GATAD2A: variants seen among roughly 807,000 people sequenced by gnomAD.
GATAD2A encodes the protein GATA zinc finger domain containing 2A.
A neutral mutation model predicts 68.5 loss-of-function variants in GATAD2A; 12 were observed. The ratio of observed to expected loss-of-function variants is 0.18; its 90% CI spans 0.11 to 0.28. The LOEUF is 0.28. Among genes scored for constraint, GATAD2A ranks in the 10% least tolerant of loss-of-function variants. GATAD2A has a pLI of 1.00. For synonymous variants in GATAD2A, 410 were observed against 375.3 expected, an observed-to-expected ratio of 1.09 and a Z score of -1.07; for missense variants, 755 against 868.5, an observed-to-expected ratio of 0.87 and a Z score of 1.64.
At chr19:19,388,346 C>T (rs1046136611) in intron 1 of GATAD2A, among the ~76,000 whole-genome samples, 3 of 152,196 alleles carry the variant, frequency 2.0e-5, no homozygotes, top group Admixed American at 2.0e-4. Flanking sequence ...CGTGAACCAC[C>T]GCGCCCGGCC....
intron 7 of GATAD2A, among the ~76,000 whole-genome samples, chr19:19,496,576 G>A (rs985539836): frequency 3.9e-5 from 6 of 152,224 alleles, no homozygotes; most frequent in African/African-American, 9.7e-5. Flanking sequence ...AGGAGAGGCC[G>A]GTGATGGGCC....
intron 1 of GATAD2A, among the ~76,000 whole-genome samples, chr19:19,388,680 T>C (rs545977427): frequency 6.6e-6 from 1 of 152,062 alleles, no homozygotes; most frequent in East Asian, 1.9e-4. Flanking sequence ...GGGAGAAACA[T>C]TGTATCCCCA....
At chr19:19,413,444 G>T (rs2051201753) in intron 1 of GATAD2A, among the ~76,000 whole-genome samples, 1 of 152,190 alleles carries the variant, frequency 6.6e-6, no homozygotes, top group Admixed American at 6.5e-5. Flanking sequence ...TTCTCATGTA[G>T]TGTCCCTGGG....
chr19:19,508,168 A>C lies in GATAD2A; in HGVS notation c.*2694A>C, dbSNP rs367659346. ...GACATGAACCTCCAACAGCACCTGG[A>C]AACGGTTCCCTCTGTCAGCTGCTCT... On this transcript the variant is annotated 3_prime_UTR_variant, in exon 12 of 12. Coordinates refer to ENST00000683918, the MANE Select transcript of GATAD2A (RefSeq NM_001384528.1). 2 of 152,382 alleles carry C rather than the reference A, an allele frequency of 1.3e-5. No individual in the cohort carries two copies. Among genetic ancestry groups the C allele is most frequent in the East Asian group, 3.9e-4 (2 of 5,190 alleles). 9.4% of individuals were successfully genotyped at this position (152,382 alleles called of 1,614,324 possible). A position where few individuals can be genotyped will look rare whatever the true frequency, so the allele number is the denominator to read the frequency against.
At chr19:19,454,120 C>T (rs534102049) in intron 1 of GATAD2A, among the ~76,000 whole-genome samples, 72 of 152,132 alleles carry the variant, frequency 4.7e-4, no homozygotes, top group Admixed American at 2.4e-3. Context: ...GCCTCAGCCC[C>T]TGGAGTAGCC....
chr19:19,401,042 C>A (rs1024241460), upstream of GATAD2A, among the ~76,000 whole-genome samples: 4 of 148,596 alleles, frequency 2.7e-5, no homozygotes, highest in African/African-American at 9.9e-5. Flanking sequence ...CCAGAGGCTG[C>A]GGCACAAGAA....
intron 1 of GATAD2A, among the ~76,000 whole-genome samples, chr19:19,429,903 G>T (rs1216310437): frequency 2.6e-5 from 4 of 152,064 alleles, no homozygotes; most frequent in Non-Finnish European, 4.4e-5. Flanking sequence ...GGGGCTCTGT[G>T]CCTTGGGGAG....
chr19:19,477,805 G>A lies in GATAD2A; in HGVS notation c.269+12191G>A, dbSNP rs574300932. On this transcript the variant is annotated intron_variant, in intron 2 of 11. Transcript: ENST00000683918. ...GAGAAGGAAGGAGATTCCTAGTCCC[G>A]GAGACCAGCAGTCTAGGGGCAGTGG... Among the ~76,000 whole-genome samples, 7 of 152,262 alleles carry A rather than the reference G, an allele frequency of 4.6e-5. No homozygotes were observed. The East Asian group carries it at 1.2e-3, about 25-fold the overall frequency.
At chr19:19,501,558 C>A in intron 9 of GATAD2A, 142 bp downstream of exon 9, 1 of 686,284 alleles carries the variant, frequency 1.5e-6, no homozygotes, top group East Asian at 2.7e-5. Flanking sequence ...GGCAAAAACA[C>A]TAATTTGCAG....
intron 1 of GATAD2A, among the ~76,000 whole-genome samples, chr19:19,387,319 C>G (rs1372689425): frequency 6.6e-6 from 1 of 151,186 alleles, no homozygotes; most frequent in African/African-American, 2.4e-5. Context: ...CTGACTTGTC[C>G]CCCTTTCTTT....
At chr19:19,432,597 C>T (rs573405141) in intron 1 of GATAD2A, among the ~76,000 whole-genome samples, 8 of 152,186 alleles carry the variant, frequency 5.3e-5, no homozygotes, top group Non-Finnish European at 1.0e-4. Context: ...CTACCGTGTT[C>T]GGCTGACAGT....
rs375507691 is a variant in GATAD2A at position 19,505,396 on chromosome 19, G to A, written c.1827G>A (p.Ser609=). The A allele has an allele frequency of 1.2e-5, 19 of 1,612,706 alleles. No homozygotes were observed. In the Middle Eastern group the frequency reaches 1.3e-3, roughly 112 times the overall value. Residue 609 remains serine (S), a synonymous_variant, in exon 12 of 12, where the codon TCG becomes TCA. Transcript: ENST00000683918. ...SPSLAVHKSS[S]AVDRQREYLL... is the part of the protein sequence containing the mutation. ...GCCTGGCGGTGCACAAGAGCTCCTC[G>A]GCCGTGGACCGCCAGCGAGAGTACC... is the stretch of plus-strand genomic sequence containing the variant.
intron 2 of GATAD2A, among the ~76,000 whole-genome samples, chr19:19,475,434 C>G (rs2058609408): frequency 6.6e-6 from 1 of 152,136 alleles, no homozygotes; most frequent in East Asian, 1.9e-4. Flanking sequence ...GAGTCAGGGT[C>G]CAGACAGGGG....
At chr19:19,501,085 C>G (rs371872273) in intron 8 of GATAD2A, 33 bp from the exon 9 acceptor site, 2 of 1,587,598 alleles carry the variant, frequency 1.3e-6, no homozygotes, top group Non-Finnish European at 1.7e-6. Context: ...CGTCCTGGCC[C>G]TCTGACGTGA....
chr19:19,447,921 G>A (rs137927997), intron 1 of GATAD2A, among the ~76,000 whole-genome samples: 19 of 152,366 alleles, frequency 1.2e-4, no homozygotes, highest in African/African-American at 2.6e-4. Flanking sequence ...CCTCCCTGCC[G>A]TTTCCAGTCT....
Position 19,492,345 on chromosome 19 carries a change from G to C in GATAD2A, c.309G>C (p.Val103=). ...KSERRPPSPD[V]IVLSDNEQPS... is the part of the protein sequence containing the mutation. ...AGAGGAGACCCCCCTCACCTGACGT[G>C]ATTGTGCTCTCCGACAACGAGCAGC... is the stretch of plus-strand genomic sequence containing the variant. Residue 103 remains valine, a synonymous_variant, in exon 3 of 12, where the codon GTG becomes GTC. Transcript: ENST00000683918. The C allele has an allele frequency of 6.2e-7, 1 of 1,610,488 alleles. No individual in the cohort carries two copies. The highest frequency in any genetic ancestry group is 8.5e-7 in the Non-Finnish European group (1 of 1,178,314).
chr19:19,487,698 A>C (rs2059535321), intron 2 of GATAD2A, among the ~76,000 whole-genome samples: 2 of 152,298 alleles, frequency 1.3e-5, no homozygotes, highest in Middle Eastern at 3.4e-3. Flanking sequence ...GATGTTCTGC[A>C]GGCAGAACAT....
At chr19:19,441,032 TTCCTTCTTTCCTTCCC>T in intron 1 of GATAD2A, among the ~76,000 whole-genome samples, 1 of 148,508 alleles carries the variant, frequency 6.7e-6, no homozygotes, top group Non-Finnish European at 1.5e-5. Context: ...CTTCCTTCCC[TTCCTTCTTTCCTTCCC>T]TTCCTTCCGT....
chr19:19,454,457 G>A (rs1158215917), intron 1 of GATAD2A, among the ~76,000 whole-genome samples: 1 of 151,882 alleles, frequency 6.6e-6, no homozygotes, highest in Admixed American at 6.6e-5. Flanking sequence ...AAATTAGCTG[G>A]GTGTGTTGGC....
Sources: gnomAD v4.1 joint callset for allele counts (sites outside exome capture counted in the v4.1 genomes callset) on GRCh38, gnomAD v4.1.1 for gene constraint, MANE v1.5 for transcripts, NCBI Gene and HGNC (gene_info 2026-07-23, HGNC 2026-07-21) for gene names.